SLC1A2: variants seen among roughly 807,000 people sequenced by gnomAD.
The protein encoded by SLC1A2 is excitatory amino acid transporter 2.
In SLC1A2, 15 loss-of-function variants were observed where a neutral mutation model predicts 48.8. The observed-to-expected ratio is 0.31, with a 90% CI of 0.21 to 0.47. SLC1A2 has a LOEUF of 0.47. Ranked by LOEUF, SLC1A2 falls within the 20% of genes least tolerant of loss-of-function variation. The pLI is 0.99. For synonymous variants in SLC1A2, 279 were observed against 272.6 expected (o/e 1.02, Z -0.23); for missense variants, 502 against 730.5 (o/e 0.69, Z 3.61).
At chr11:35,290,004 T>C (rs188750785) in intron 7 of SLC1A2, among the ~76,000 whole-genome samples, 1 of 152,306 alleles carries the variant, frequency 6.6e-6, no homozygotes, top group East Asian at 1.9e-4. Flanking sequence ...GAAGTAAAGA[T>C]ATGCATATCC....
chr11:35,377,372 C>T (rs930949608), intron 1 of SLC1A2, among the ~76,000 whole-genome samples: 2 of 152,202 alleles, frequency 1.3e-5, no homozygotes, highest in African/African-American at 4.8e-5. Flanking sequence ...CTGGTTTGTT[C>T]TCAACTCAGA....
intron 1 of SLC1A2, among the ~76,000 whole-genome samples, chr11:35,410,946 C>T (rs12290338): frequency 0.022 from 3,285 of 152,238 alleles, 112 homozygotes; most frequent in African/African-American, 0.076. Context: ...TTCCTGGGAC[C>T]AACCAATGAC....
At chr11:35,377,649 GA>G (rs965729366) in intron 1 of SLC1A2, among the ~76,000 whole-genome samples, 11 of 151,858 alleles carry the variant, frequency 7.2e-5, no homozygotes, top group Admixed American at 2.0e-4. Flanking sequence ...CTCGCAAGAT[GA>G]AAAAAAATCA....
chr11:35,320,440 A>G (rs1450260137), intron 1 of SLC1A2, among the ~76,000 whole-genome samples: 1 of 152,236 alleles, frequency 6.6e-6, no homozygotes, highest in East Asian at 1.9e-4. Context: ...TCATAAGAAC[A>G]ATGCCTAACC....
intron 1 of SLC1A2, among the ~76,000 whole-genome samples, chr11:35,334,284 C>T (rs547282690): frequency 6.6e-6 from 1 of 152,296 alleles, no homozygotes; most frequent in African/African-American, 2.4e-5. Context: ...CATGTGCATA[C>T]CTGCCTGGCT....
At chr11:35,360,990 C>T (rs1191814402) in intron 1 of SLC1A2, among the ~76,000 whole-genome samples, 4 of 152,152 alleles carry the variant, frequency 2.6e-5, no homozygotes, top group Admixed American at 6.5e-5. Flanking sequence ...ATTTTCCTGT[C>T]TCAGCCTCCT....
chr11:35,317,555 A>G, intron 1 of SLC1A2, 39 bp from the exon 2 acceptor site: 1 of 1,599,418 alleles, frequency 6.3e-7, no homozygotes, highest in African/African-American at 1.3e-5. Context: ...AGAGACTGGC[A>G]CCTCCCCTAT....
At chr11:35,294,101 A>G (rs1186155562) in intron 6 of SLC1A2, among the ~76,000 whole-genome samples, 1 of 152,158 alleles carries the variant, frequency 6.6e-6, no homozygotes, top group African/African-American at 2.4e-5. Context: ...CATGTACCCC[A>G]TGTCCTCTCA....
intron 7 of SLC1A2, among the ~76,000 whole-genome samples, chr11:35,290,830 A>G (rs549520092): frequency 1.2e-4 from 19 of 152,120 alleles, no homozygotes; most frequent in African/African-American, 4.6e-4. Flanking sequence ...TCATCTTCGG[A>G]AACTGGGTAA....
intron 1 of SLC1A2, among the ~76,000 whole-genome samples, chr11:35,318,193 T>A (rs745598117): frequency 2.6e-5 from 4 of 152,210 alleles, no homozygotes; most frequent in Non-Finnish European, 5.9e-5. Context: ...TTTGATCACC[T>A]CCAGCTATGG....
Position 35,352,119 on chromosome 11 carries a change from T to A in SLC1A2, c.18-34603A>T, listed in dbSNP as rs969919389. 2.6e-5 allele frequency: 4 copies of A among 152,146 alleles called. No homozygotes were observed. The South Asian group carries it at 8.3e-4, about 32-fold the overall frequency. 9.4% of individuals were successfully genotyped at this position (152,146 alleles called of 1,614,324 possible). ...TTTTTATGATCAGAAACAAAGTTGCTAACTAAGCTGACTGACCAAAAAGGA... is the reference window on the plus strand; with the variant it reads ...TTTTTATGATCAGAAACAAAGTTGCAAACTAAGCTGACTGACCAAAAAGGA... On this transcript the variant is annotated intron_variant, in intron 1 of 10. Coordinates refer to ENST00000278379, the MANE Select transcript of SLC1A2 (RefSeq NM_004171.4).
chr11:35,347,436 A>G (rs1289705082), intron 1 of SLC1A2, among the ~76,000 whole-genome samples: 1 of 152,218 alleles, frequency 6.6e-6, no homozygotes, highest in East Asian at 1.9e-4. Context: ...ATTTCATCTC[A>G]TGGGCAAAGT....
intron 1 of SLC1A2, among the ~76,000 whole-genome samples, chr11:35,403,426 C>A (rs764552092): frequency 6.6e-6 from 1 of 152,212 alleles, no homozygotes. Flanking sequence ...GTCTCAAGGT[C>A]ATCTGTCATC....
chr11:35,255,665 T>G lies in SLC1A2; in HGVS notation c.*5229A>C, dbSNP rs1028284760. ...GGGTATTCAGAGAGGGCTCTGTTGC[T>G]ACAGCAGCAATGATGCAACAGCTTG... On this transcript the variant is annotated 3_prime_UTR_variant, in exon 11 of 11. Coordinates refer to ENST00000278379, the MANE Select transcript of SLC1A2 (RefSeq NM_004171.4). The G allele has an allele frequency of 1.3e-5, 2 of 152,220 alleles. No individual in the cohort carries two copies. The highest frequency in any genetic ancestry group is 2.9e-5 in the Non-Finnish European group (2 of 68,044). 9.4% of individuals were successfully genotyped at this position (152,220 alleles called of 1,614,324 possible). A position where few individuals can be genotyped will look rare whatever the true frequency, so the allele number is the denominator to read the frequency against.
intron 1 of SLC1A2, among the ~76,000 whole-genome samples, chr11:35,392,568 A>T (rs181556502): frequency 1.3e-3 from 193 of 152,368 alleles, no homozygotes; most frequent in African/African-American, 3.5e-3. Flanking sequence ...TTCATACTCC[A>T]TCTTGCCAGA....
chr11:35,299,333 GTCTC>G (rs1220089326), intron 6 of SLC1A2: 8 of 142,980 alleles, frequency 5.6e-5, no homozygotes, highest in African/African-American at 1.3e-4. Context: ...GCGAGTCTTT[GTCTC>G]TCTCTCTCTC....
intron 1 of SLC1A2, chr11:35,418,518 C>A (rs1421204710): frequency 1.2e-5 from 2 of 173,740 alleles, no homozygotes; most frequent in African/African-American, 4.8e-5. Context: ...CTTGCCCCGC[C>A]CCAGGGCCCT....
At chr11:35,273,544 G>T (rs1342878657) in intron 9 of SLC1A2, among the ~76,000 whole-genome samples, 1 of 152,200 alleles carries the variant, frequency 6.6e-6, no homozygotes, top group Non-Finnish European at 1.5e-5. Context: ...TATATAAAAG[G>T]CTTATATGAC....
At chr11:35,303,667 A>T (rs2134813157) in intron 5 of SLC1A2, among the ~76,000 whole-genome samples, 1 of 152,336 alleles carries the variant, frequency 6.6e-6, no homozygotes, top group East Asian at 1.9e-4. Flanking sequence ...TGGAATAAAA[A>T]AAGCTCCATT....
Sources: gnomAD v4.1 joint callset for allele counts (sites outside exome capture counted in the v4.1 genomes callset) on GRCh38, gnomAD v4.1.1 for gene constraint, MANE v1.5 for transcripts, NCBI Gene and HGNC (gene_info 2026-07-23, HGNC 2026-07-21) for gene names.